MORC2: variants seen among roughly 807,000 people sequenced by gnomAD.
The protein encoded by MORC2 is ATPase MORC2.
In MORC2, 30 loss-of-function variants were observed where a neutral mutation model predicts 136.0. The observed-to-expected ratio is 0.22, with a 90% CI of 0.17 to 0.30. The LOEUF is 0.30. Ranked by LOEUF, MORC2 falls within the 10% of genes least tolerant of loss-of-function variation. The pLI is 1.00. For synonymous variants in MORC2, 439 were observed against 487.0 expected, an observed-to-expected ratio of 0.90 and a Z score of 1.30; for missense variants, 922 against 1,333.1, an observed-to-expected ratio of 0.69 and a Z score of 4.80.
rs764008225 is a variant in MORC2 at position 30,967,944 on chromosome 22, A to G, written c.-55T>C. ...CGCTAACTGGGAAATATAACCTTAT[A>G]ATGATATCGATTTCCCAGGATTCTG... On this transcript the variant is annotated 5_prime_UTR_variant, in exon 1 of 26. Transcript: ENST00000397641. 1.7e-5 allele frequency: 23 copies of G among 1,380,166 alleles called. No homozygotes were observed. The highest frequency in any genetic ancestry group is 2.3e-5 in the Non-Finnish European group (23 of 991,894). The allele number at this position is 1,380,166 out of a possible 1,614,324, so 85.5% of individuals were successfully genotyped here.
chr22:30,950,353 C>CCCAAAAAAAAAAA, intron 4 of MORC2, 24 bp downstream of exon 4: 5 of 1,481,916 alleles, frequency 3.4e-6, no homozygotes, highest in Non-Finnish European at 4.7e-6. Flanking sequence ...CCCCACCCCC[C>CCCAAAAAAAAAAA]AAAACAATAA....
At chr22:30,967,388 A>G in intron 1 of MORC2, 1 of 987,102 alleles carries the variant, frequency 1.0e-6, no homozygotes, top group Non-Finnish European at 1.2e-6. Flanking sequence ...GAAAGTTGTC[A>G]TTTAAATGTC....
rs1394469227 is a variant in MORC2 at position 30,967,070 on chromosome 22, A to G, written c.68+752T>C. On this transcript the variant is annotated intron_variant, in intron 1 of 25. Coordinates refer to ENST00000397641, the MANE Select transcript of MORC2 (RefSeq NM_001303256.3). ...CTAGAATGTTAGAACACTTACCTTC[A>G]TCTCAAAAGTAACAGGTGAATGTAT... The G allele has an allele frequency of 3.1e-6, 3 of 980,880 alleles. No homozygotes were observed. The African/African-American group carries it at 5.3e-5, about 17-fold the overall frequency. 60.8% of individuals were successfully genotyped at this position (980,880 alleles called of 1,614,324 possible). A position where few individuals can be genotyped will look rare whatever the true frequency, so the allele number is the denominator to read the frequency against.
rs766637355 is a variant in MORC2, at chr22:30,937,750, CCT to C, written c.1370-41_1370-40del. ...ACCGATACATCATGTTAGGAGCCAG[CCT>C]CTCTCTCTCCCTACATTCAGGTGAA... is the stretch of plus-strand genomic sequence containing the variant. On this transcript the variant is annotated intron_variant, in intron 14 of 25. Transcript: ENST00000397641. The surrounding 1 kb of genome is among the most constrained non-coding windows in gnomAD (Gnocchi z 4.7). 2 of 1,613,722 alleles carry C rather than the reference CCT, an allele frequency of 1.2e-6. No individual in the cohort carries two copies. Among genetic ancestry groups the C allele is most frequent in the East Asian group, 2.2e-5 (1 of 44,888 alleles).
intron 20 of MORC2, among the ~76,000 whole-genome samples, 190 bp from the exon 21 acceptor site, chr22:30,933,710 C>T (rs903632583): frequency 6.6e-6 from 1 of 152,180 alleles, no homozygotes; most frequent in African/African-American, 2.4e-5. Context: ...GCTACCTTTA[C>T]GAACAAGACA....
chr22:30,962,387 A>AC (rs1051402275), intron 1 of MORC2, among the ~76,000 whole-genome samples: 1 of 151,760 alleles, frequency 6.6e-6, no homozygotes, highest in Admixed American at 6.6e-5. Context: ...ACACGGCAAA[A>AC]CCCCCATCTC....
intron 1 of MORC2, among the ~76,000 whole-genome samples, chr22:30,960,970 ATTC>A (rs918150101): frequency 6.6e-6 from 1 of 151,958 alleles, no homozygotes; most frequent in African/African-American, 2.4e-5. Flanking sequence ...GGTTCAAGCA[ATTC>A]TTCTGCCTCA....
At chr22:30,954,330 T>C (rs2040934623) in intron 3 of MORC2, among the ~76,000 whole-genome samples, 1 of 152,116 alleles carries the variant, frequency 6.6e-6, no homozygotes, top group South Asian at 2.1e-4. Context: ...CAAGGCCCTG[T>C]GGTAGAAAAG....
chr22:30,948,837 T>TA (rs751389228), intron 5 of MORC2, among the ~76,000 whole-genome samples: 1 of 152,138 alleles, frequency 6.6e-6, no homozygotes, highest in Non-Finnish European at 1.5e-5. Context: ...TGGCACATGG[T>TA]AAGTGTCTGT....
At position 30,936,949 on chromosome 22, in the gene MORC2, A is replaced by G; in HGVS notation, c.1587T>C (p.Pro529=). The part of the protein sequence containing the change: ...YPDTWVCSMN[P]DPEQDRCEAS... ...GTGCTCACCGGTCCTGTTCAGGATC[A>G]GGGTTCATGGAGCAAACCCAGGTGT... is the stretch of plus-strand genomic sequence containing the variant. Residue 529 remains proline (P), a synonymous_variant, in exon 16 of 26, where the codon CCT becomes CCC. Transcript: ENST00000397641. 3.7e-6 allele frequency: 6 copies of G among 1,613,854 alleles called. No homozygotes were observed. The highest frequency in any genetic ancestry group is 5.1e-6 in the Non-Finnish European group (6 of 1,179,706).
intron 4 of MORC2, 40 bp downstream of exon 4, chr22:30,950,337 G>A (rs751737360): frequency 7.9e-6 from 6 of 761,724 alleles, no homozygotes; most frequent in South Asian, 7.1e-5. Flanking sequence ...TGGTTACATC[G>A]CACCCCCCCA....
intron 3 of MORC2, among the ~76,000 whole-genome samples, chr22:30,953,245 T>G (rs1198968776): frequency 6.6e-6 from 1 of 151,930 alleles, no homozygotes; most frequent in African/African-American, 2.4e-5. Context: ...TAAAGAAGAG[T>G]CTAAGCAGCT....
chr22:30,926,550 C>CAAAAAAAAAAAAAAAAAAA lies in MORC2; in HGVS notation c.*234_*252dup, dbSNP rs60514280. On this transcript the variant is annotated 3_prime_UTR_variant, in exon 26 of 26. Transcript: ENST00000397641. ...AAGGTTCTCTGTCCTTTGCAGTCAC[C>CAAAAAAAAAAAAAAAAAAA]AAAAAAAAAAAAAAAAAAAAAAAAA... is the stretch of plus-strand genomic sequence containing the variant. 1 of 25,742 alleles carries CAAAAAAAAAAAAAAAAAAA rather than the reference C, an allele frequency of 3.9e-5. No homozygotes were observed. The highest frequency in any genetic ancestry group is 6.9e-5 in the Non-Finnish European group (1 of 14,430). 1.6% of individuals were successfully genotyped at this position (25,742 alleles called of 1,614,324 possible).
At chr22:30,945,658 A>ATCTT (rs751948360) in intron 6 of MORC2, among the ~76,000 whole-genome samples, 53 of 152,342 alleles carry the variant, frequency 3.5e-4, no homozygotes, top group African/African-American at 7.9e-4. Flanking sequence ...CACAAGGAGA[A>ATCTT]TCGGCCAAAT....
chr22:30,945,004 G>A (rs998594637), intron 6 of MORC2, among the ~76,000 whole-genome samples: 1 of 152,158 alleles, frequency 6.6e-6, no homozygotes, highest in Non-Finnish European at 1.5e-5. Flanking sequence ...AAGGCCCCGA[G>A]GTCAAGCCTA....
At chr22:30,945,806 A>T (rs2040808064) in intron 6 of MORC2, among the ~76,000 whole-genome samples, 2 of 152,212 alleles carry the variant, frequency 1.3e-5, no homozygotes, top group Non-Finnish European at 2.9e-5. Flanking sequence ...CCACAGCATC[A>T]GCTCTGTTTT....
chr22:30,954,895 C>T (rs2094139146), intron 3 of MORC2, among the ~76,000 whole-genome samples: 1 of 151,764 alleles, frequency 6.6e-6, no homozygotes, highest in African/African-American at 2.4e-5. Context: ...TGAGAAAGCA[C>T]ACTCAGATGT....
rs916259470 is a variant in MORC2 at position 30,968,525 on chromosome 22, G to C, written c.-636C>G. ...CAAAGCCGGACCAAACCCAGTTCAG[G>C]GTGGTGGTCAGATTACCTCACACTT... is the stretch of plus-strand genomic sequence containing the variant. On this transcript the variant is annotated 5_prime_UTR_variant, in exon 1 of 26. Transcript: ENST00000397641. 6.6e-6 allele frequency among the ~76,000 whole-genome samples: 1 copy of C among 152,062 alleles called. No individual in the cohort carries two copies. Among genetic ancestry groups the C allele is most frequent in the Non-Finnish European group, 1.5e-5 (1 of 68,000 alleles).
chr22:30,949,259 A>G (rs1013045508), intron 5 of MORC2, among the ~76,000 whole-genome samples: 21 of 152,200 alleles, frequency 1.4e-4, no homozygotes, highest in African/African-American at 5.1e-4. Context: ...GGTCCCTGCT[A>G]TAAGGGCCTT....
Sources: allele counts gnomAD v4.1 joint callset (sites outside exome capture counted in the v4.1 genomes callset), GRCh38; gene constraint gnomAD v4.1.1; non-coding constraint Gnocchi (gnomAD v3.1); transcripts MANE v1.5; gene names NCBI Gene and HGNC (gene_info 2026-07-23, HGNC 2026-07-21).